Variants in CSMD1 observed in about 807,000 individuals in gnomAD.
The protein encoded by CSMD1 is CUB and Sushi multiple domains 1.
CSMD1 carries 213 observed loss-of-function variants against 417.5 expected under a neutral mutation model. The ratio of observed to expected loss-of-function variants is 0.51; its 90% CI spans 0.46 to 0.57. The LOEUF (loss-of-function observed/expected upper bound fraction) is 0.57, where lower values mean the gene tolerates loss of function less well. Among genes scored for constraint, CSMD1 ranks in the 20% least tolerant of loss-of-function variants. The probability of loss-of-function intolerance (pLI) is 0.00; values close to 1 mark genes in which losing one functional copy is unlikely to be tolerated. For synonymous variants in CSMD1, 2,862 were observed against 1,736.8 expected, an observed-to-expected ratio of 1.65 and a Z score of -16.11; for missense variants, 6,923 against 4,529.7, an observed-to-expected ratio of 1.53 and a Z score of -15.17.
intron 10 of CSMD1, among the ~76,000 whole-genome samples, chr8:3,503,580 G>T (rs1482942467): frequency 1.3e-5 from 2 of 152,150 alleles, no homozygotes; most frequent in Non-Finnish European, 2.9e-5. Context: ...CCGCCCTCAG[G>T]GCCCTGCCAA....
intron 5 of CSMD1, among the ~76,000 whole-genome samples, chr8:3,845,070 T>C (rs189428976): frequency 6.6e-6 from 1 of 152,354 alleles, no homozygotes; most frequent in East Asian, 1.9e-4. Flanking sequence ...ACTTTCATAT[T>C]ATAGTTTAAA....
intron 10 of CSMD1, among the ~76,000 whole-genome samples, chr8:3,543,938 G>A (rs1034752794): frequency 1.3e-5 from 2 of 152,212 alleles, no homozygotes; most frequent in African/African-American, 4.8e-5. Context: ...GGAAGAGACA[G>A]GAAGTGGCCA....
At chr8:4,319,652 G>A (rs1182411792) in intron 3 of CSMD1, among the ~76,000 whole-genome samples, 1 of 152,052 alleles carries the variant, frequency 6.6e-6, no homozygotes, top group African/African-American at 2.4e-5. Context: ...TTCACTGCCT[G>A]GAAAGAGAGG....
intron 1 of CSMD1, among the ~76,000 whole-genome samples, chr8:4,838,623 G>A (rs1444272003): frequency 2.0e-5 from 3 of 152,170 alleles, no homozygotes; most frequent in Admixed American, 6.5e-5. Context: ...ATGGAAACAT[G>A]CTATTGCAAA....
intron 6 of CSMD1, among the ~76,000 whole-genome samples, chr8:3,722,696 T>C (rs1362528272): frequency 1.3e-5 from 2 of 152,138 alleles, no homozygotes; most frequent in African/African-American, 4.8e-5. Flanking sequence ...TAGGATCAAT[T>C]TTTCTGGATT....
intron 37 of CSMD1, among the ~76,000 whole-genome samples, chr8:3,176,261 A>C (rs1820930386): frequency 6.6e-6 from 1 of 152,190 alleles, no homozygotes; most frequent in Non-Finnish European, 1.5e-5. Context: ...TCTTAATTAG[A>C]GGGAACCATT....
chr8:3,640,864 T>A (rs1797271520), intron 7 of CSMD1, among the ~76,000 whole-genome samples: 1 of 152,078 alleles, frequency 6.6e-6, no homozygotes, highest in South Asian at 2.1e-4. Flanking sequence ...CTTTTTTTTT[T>A]ATTGTTAATG....
At chr8:4,029,540 G>A (rs1447180415) in intron 4 of CSMD1, among the ~76,000 whole-genome samples, 1 of 152,110 alleles carries the variant, frequency 6.6e-6, no homozygotes, top group African/African-American at 2.4e-5. Context: ...GGAAAGAACT[G>A]CCTCCATGGT....
At chr8:4,865,162 G>A (rs997205281) in intron 1 of CSMD1, among the ~76,000 whole-genome samples, 3 of 151,530 alleles carry the variant, frequency 2.0e-5, no homozygotes, top group Admixed American at 6.6e-5. Flanking sequence ...TCTTATTCTT[G>A]TTTTACTTTA....
chr8:2,940,856 C>T (rs1282923483), intron 69 of CSMD1, among the ~76,000 whole-genome samples: 1 of 151,990 alleles, frequency 6.6e-6, no homozygotes, highest in Non-Finnish European at 1.5e-5. Flanking sequence ...CAATCAAAAG[C>T]AAAAATAAAT....
At chr8:3,731,507 G>C (rs1004759137) in intron 6 of CSMD1, among the ~76,000 whole-genome samples, 7 of 152,142 alleles carry the variant, frequency 4.6e-5, no homozygotes, top group Non-Finnish European at 8.8e-5. Context: ...ACAATTCATG[G>C]ATAAGTGCTT....
chr8:4,045,595 A>T (rs190367433), intron 3 of CSMD1, among the ~76,000 whole-genome samples: 90 of 152,346 alleles, frequency 5.9e-4, no homozygotes, highest in African/African-American at 2.1e-3. Context: ...AAGAAACTCA[A>T]GAATGTTCCT....
At chr8:4,072,111 G>A (rs1036769318) in intron 3 of CSMD1, among the ~76,000 whole-genome samples, 3 of 152,140 alleles carry the variant, frequency 2.0e-5, no homozygotes, top group Admixed American at 6.5e-5. Flanking sequence ...TGGATGATTC[G>A]CTATAGGCTG....
intron 54 of CSMD1, among the ~76,000 whole-genome samples, chr8:2,994,716 T>C (rs182551962): frequency 2.6e-5 from 4 of 152,314 alleles, no homozygotes; most frequent in South Asian, 2.1e-4. Context: ...AAAAATCTAA[T>C]TCAGAAAATT....
At chr8:3,476,336 C>A (rs1817419746) in intron 11 of CSMD1, among the ~76,000 whole-genome samples, 1 of 152,120 alleles carries the variant, frequency 6.6e-6, no homozygotes, top group Non-Finnish European at 1.5e-5. Flanking sequence ...TAAAAATATA[C>A]ATGTGTTTTT....
chr8:3,813,980 CTAAG>C (rs1190643987), intron 5 of CSMD1, among the ~76,000 whole-genome samples: 1 of 152,104 alleles, frequency 6.6e-6, no homozygotes, highest in Non-Finnish European at 1.5e-5. Context: ...TGATTCTTAC[CTAAG>C]TAAAAGGAGA....
At chr8:3,874,656 A>G (rs1011274782) in intron 5 of CSMD1, among the ~76,000 whole-genome samples, 2 of 152,086 alleles carry the variant, frequency 1.3e-5, no homozygotes, top group Admixed American at 6.5e-5. Flanking sequence ...AGAAGCTGCC[A>G]TGTTTTTCTC....
At chr8:4,222,051 TC>T (rs11307751) in intron 3 of CSMD1, among the ~76,000 whole-genome samples, 143,941 of 151,652 alleles carry the variant, frequency 0.95, 68,333 homozygotes, top group Non-Finnish European at 0.97. Flanking sequence ...TGAGAAGACA[TC>T]AAAGGCCATC....
chr8:4,657,787 A>G (rs1253498866), intron 1 of CSMD1, among the ~76,000 whole-genome samples: 1 of 151,814 alleles, frequency 6.6e-6, no homozygotes, highest in East Asian at 1.9e-4. Context: ...ACTTAAACCT[A>G]CTGTTTAAAA....
Sources: allele counts gnomAD v4.1 joint callset (sites outside exome capture counted in the v4.1 genomes callset), GRCh38; gene constraint gnomAD v4.1.1; transcripts MANE v1.5; gene names NCBI Gene and HGNC (gene_info 2026-07-23, HGNC 2026-07-21).